ARHGEF18: variants seen among roughly 807,000 people sequenced by gnomAD.
The protein encoded by ARHGEF18 is Rho/Rac guanine nucleotide exchange factor 18.
ARHGEF18 carries 93 observed loss-of-function variants against 155.7 expected under a neutral mutation model. That is an observed-to-expected ratio of 0.60 (90% CI 0.50 to 0.71). The LOEUF (loss-of-function observed/expected upper bound fraction) is 0.71, where lower values mean the gene tolerates loss of function less well. Ranked by LOEUF, ARHGEF18 falls within the 30% of genes least tolerant of loss-of-function variation. The pLI is 0.00. For missense variants in ARHGEF18, 1,593 were observed against 1,816.1 expected (o/e 0.88, Z 2.23); for synonymous variants, 742 against 753.1 (o/e 0.99, Z 0.24).
chr19:7,414,191 C>A (rs1319019502), intron 10 of ARHGEF18, among the ~76,000 whole-genome samples: 2 of 152,150 alleles, frequency 1.3e-5, no homozygotes, highest in East Asian at 3.9e-4. Context: ...TCCCCCCTCA[C>A]TCCCATAGCA....
At chr19:7,393,682 CT>C (rs1205447137) in intron 10 of ARHGEF18, among the ~76,000 whole-genome samples, 1 of 151,816 alleles carries the variant, frequency 6.6e-6, no homozygotes, top group East Asian at 1.9e-4. Context: ...GGGGAAGCAT[CT>C]GGCCTATCCA....
chr19:7,362,791 C>T lies in ARHGEF18; in HGVS notation c.-100C>T. The T allele has an allele frequency of 8.1e-7, 1 of 1,234,078 alleles. No homozygotes were observed. The highest frequency in any genetic ancestry group is 1.0e-6 in the Non-Finnish European group (1 of 988,092). The allele number at this position is 1,234,078 out of a possible 1,614,324, so 76.4% of individuals were successfully genotyped here. A position where few individuals can be genotyped will look rare whatever the true frequency, so the allele number is the denominator to read the frequency against. On this transcript the variant is annotated 5_prime_UTR_variant, in exon 2 of 29. Transcript: ENST00000668164. ...CTCCTTTCTCCACAGGCTCTGAGCC[C>T]AAGTCATGTGTCCAGCCTTTTGACT...
In ARHGEF18 at chr19:7,466,955, C is replaced by A. The variant is rs758162935; in HGVS notation, c.2942C>A (p.Pro981His). 4 of 1,613,410 alleles carry A rather than the reference C, an allele frequency of 2.5e-6. No individual in the cohort carries two copies. The South Asian group carries it at 4.4e-5, about 18-fold the overall frequency. Residue 981 changes from proline to histidine, a missense_variant, in exon 24 of 29, where the codon CCC (proline) becomes CAC (histidine). Coordinates refer to ENST00000668164, the MANE Select transcript of ARHGEF18 (RefSeq NM_001367823.1). Reference protein sequence around the residue: ...APGTESDPRLPTVLESELVQR... With the variant: ...APGTESDPRLHTVLESELVQR... ...GGCACGGAATCCGATCCCCGTCTGC[C>A]CACCGTCCTGGAGTCGGAGGTAGGC...
intron 2 of ARHGEF18, among the ~76,000 whole-genome samples, chr19:7,366,193 G>A (rs546671302): frequency 1.1e-4 from 16 of 152,268 alleles, no homozygotes; most frequent in East Asian, 5.8e-4. Context: ...TGATCCACCC[G>A]CCTCAGGCCT....
At position 7,357,738 on chromosome 19, in the gene ARHGEF18, G is replaced by C. The variant is rs141459202; in HGVS notation, c.-110-5043G>C. Among the ~76,000 whole-genome samples, 487 of 152,148 alleles carry C rather than the reference G, an allele frequency of 3.2e-3. 3 individuals carry two copies. The highest frequency in any genetic ancestry group is 0.011 in the African/African-American group (468 of 41,510). On this transcript the variant is annotated intron_variant, in intron 1 of 28. Coordinates refer to ENST00000668164, the MANE Select transcript of ARHGEF18 (RefSeq NM_001367823.1). ...TCTGGGCACCTAATAGGAATTTCCC[G>C]GGGAAAGGGTGGGATTGGACTTGGG... is the stretch of plus-strand genomic sequence containing the variant.
At chr19:7,387,122 G>T (rs1160360925) in intron 10 of ARHGEF18, among the ~76,000 whole-genome samples, 3 of 152,056 alleles carry the variant, frequency 2.0e-5, no homozygotes, top group Non-Finnish European at 2.9e-5. Flanking sequence ...CTGGCAAACT[G>T]CAGTCCATCA....
Position 7,451,236 on chromosome 19 carries a change from C to T in ARHGEF18, c.1825C>T (p.Leu609=). 6.2e-7 allele frequency: 1 copy of T among 1,611,876 alleles called. No individual in the cohort carries two copies. The highest frequency in any genetic ancestry group is 8.5e-7 in the Non-Finnish European group (1 of 1,179,442). ...ACAACGCATAACCAAATACCCAGTG[C>T]TGGTGGAGCGCATCATCCAGAACAC... The part of the protein sequence containing the change: ...VTQRITKYPV[L]VERIIQNTEA... The change falls in exon 16 of 29, where the codon CTG becomes TTG. Residue 609 remains leucine, a synonymous_variant. Transcript: ENST00000668164.
intron 14 of ARHGEF18, among the ~76,000 whole-genome samples, chr19:7,445,454 G>C (rs1021188370): frequency 6.6e-6 from 1 of 151,852 alleles, no homozygotes; most frequent in Non-Finnish European, 1.5e-5. Context: ...ATTTGGGAGT[G>C]GGGGAAAGCA....
intron 7 of ARHGEF18, among the ~76,000 whole-genome samples, chr19:7,380,690 A>G (rs1292970346): frequency 6.6e-6 from 1 of 151,938 alleles, no homozygotes; most frequent in Non-Finnish European, 1.5e-5. Flanking sequence ...TCTCTATTAA[A>G]AAAGAAAAAA....
intron 10 of ARHGEF18, chr19:7,394,914 G>T: frequency 2.2e-5 from 6 of 273,132 alleles, no homozygotes; most frequent in Non-Finnish European, 3.3e-5. Flanking sequence ...CCCCTCAAAA[G>T]TCGCCCTCAC....
chr19:7,453,849 C>A, intron 17 of ARHGEF18, 134 bp downstream of exon 17: 1 of 1,234,724 alleles, frequency 8.1e-7, no homozygotes, highest in Non-Finnish European at 1.1e-6. Context: ...GAGGTGGTCA[C>A]CATCTTGGAT....
rs1273151717 is a variant in ARHGEF18, at chr19:7,383,111, G to A, written c.875G>A (p.Arg292Lys). 5.4e-5 allele frequency: 67 copies of A among 1,232,202 alleles called. No individual in the cohort carries two copies. Among genetic ancestry groups the A allele is most frequent in the East Asian group, 9.5e-5 (3 of 31,718 alleles). 76.3% of individuals were successfully genotyped at this position (1,232,202 alleles called of 1,614,324 possible). Reference sequence around the variant, plus strand: ...GACAAGGGCCAGGATGCACGAGAGAGGCGGGAGTGTGTCAATGGGCACCAG... The same window carrying A: ...GACAAGGGCCAGGATGCACGAGAGAAGCGGGAGTGTGTCAATGGGCACCAG... ...LKDKGQDARE[R>K]RECVNGHQLL... The change falls in exon 10 of 29, where the codon AGG (arginine) becomes AAG (lysine). Residue 292 changes from arginine to lysine, a missense_variant. By Grantham distance (26) the Arg-to-Lys change is conservative. Transcript: ENST00000668164.
chr19:7,450,855 CGT>C (rs1600490499), intron 15 of ARHGEF18, among the ~76,000 whole-genome samples: 1 of 4,332 alleles, frequency 2.3e-4, no homozygotes, highest in Non-Finnish European at 5.2e-4. Flanking sequence ...GTTAATGCGG[CGT>C]CTTGCTGTCC....
rs1050959269 is a variant in ARHGEF18, at chr19:7,470,040, A to G, written c.3913+11A>G. The G allele has an allele frequency of 5.2e-5, 84 of 1,608,724 alleles. No homozygotes were observed. Among genetic ancestry groups the G allele is most frequent in the Non-Finnish European group, 6.6e-5 (78 of 1,178,502 alleles). On this transcript the variant is annotated intron_variant, in intron 28 of 28. Coordinates refer to ENST00000668164, the MANE Select transcript of ARHGEF18 (RefSeq NM_001367823.1). The surrounding 1 kb of genome is among the most constrained non-coding windows in gnomAD (Gnocchi z 5.9). ...CTGCGCCCCCACCAGGTGAGCCCCCACCCCCTGACATGAGCCCAGTCCCAG... is the reference window on the plus strand; with the variant it reads ...CTGCGCCCCCACCAGGTGAGCCCCCGCCCCCTGACATGAGCCCAGTCCCAG...
At chr19:7,350,107 C>A (rs1302802256) in intron 1 of ARHGEF18, among the ~76,000 whole-genome samples, 1 of 152,150 alleles carries the variant, frequency 6.6e-6, no homozygotes, top group Non-Finnish European at 1.5e-5. Context: ...TTAGGGGGAC[C>A]TCCTGCACCA....
intron 20 of ARHGEF18, among the ~76,000 whole-genome samples, chr19:7,461,519 C>T (rs1876964726): frequency 6.6e-6 from 1 of 152,080 alleles, no homozygotes; most frequent in African/African-American, 2.4e-5. Context: ...CACTGCACTC[C>T]AGCCTGGGCG....
rs538601659 is a variant in ARHGEF18 at position 7,458,633 on chromosome 19, C to T, written c.2303C>T (p.Thr768Met). ...GGGCCGGAGATGTATGAAATCTACA[C>T]GAGCTCCAAAGAGGACAGGAACGCC... Reference protein sequence around the residue: ...LQGPEMYEIYTSSKEDRNAWM... With the variant: ...LQGPEMYEIYMSSKEDRNAWM... Residue 768 changes from threonine to methionine, a missense_variant, in exon 19 of 29, where the codon ACG becomes ATG. Thr to Met is a moderately conservative substitution (Grantham distance 81). Coordinates refer to ENST00000668164, the MANE Select transcript of ARHGEF18 (RefSeq NM_001367823.1). 1.2e-5 allele frequency: 19 copies of T among 1,614,204 alleles called. No homozygotes were observed. The highest frequency in any genetic ancestry group is 1.5e-5 in the Non-Finnish European group (18 of 1,180,032).
Position 7,380,915 on chromosome 19 carries a change from A to G in ARHGEF18, c.645-2A>G. On this transcript the variant is annotated splice_acceptor_variant, in intron 7 of 28. Coordinates refer to ENST00000668164, the MANE Select transcript of ARHGEF18 (RefSeq NM_001367823.1). LOFTEE classifies it high-confidence loss of function. ...AGGTATCTGTCCCCTCTGATCCTGC[A>G]GGGCCCGGCAGAGGGCTTGCATGTC... is the stretch of plus-strand genomic sequence containing the variant. 1.6e-6 allele frequency: 2 copies of G among 1,232,036 alleles called. No homozygotes were observed. Among genetic ancestry groups the G allele is most frequent in the Non-Finnish European group, 2.0e-6 (2 of 987,932 alleles). The allele number at this position is 1,232,036 out of a possible 1,614,324, so 76.3% of individuals were successfully genotyped here. A position where few individuals can be genotyped will look rare whatever the true frequency, so the allele number is the denominator to read the frequency against.
At chr19:7,427,291 T>C (rs1016245018) in intron 10 of ARHGEF18, among the ~76,000 whole-genome samples, 4 of 152,138 alleles carry the variant, frequency 2.6e-5, no homozygotes, top group African/African-American at 9.7e-5. Context: ...GTCTACCCAG[T>C]ACCCTGGAGG....
Sources: allele counts gnomAD v4.1 joint callset (sites outside exome capture counted in the v4.1 genomes callset), GRCh38; gene constraint gnomAD v4.1.1; non-coding constraint Gnocchi (gnomAD v3.1); transcripts MANE v1.5; gene names NCBI Gene and HGNC (gene_info 2026-07-23, HGNC 2026-07-21).